KCNIP3: variants seen among roughly 807,000 people sequenced by gnomAD.
The protein encoded by KCNIP3 is calsenilin.
In KCNIP3, 28 loss-of-function variants were observed where a neutral mutation model predicts 35.0. The ratio of observed to expected loss-of-function variants is 0.80; its 90% CI spans 0.59 to 1.10. The LOEUF (loss-of-function observed/expected upper bound fraction) is 1.10. Among genes scored for constraint, KCNIP3 ranks in the 50% least tolerant of loss-of-function variants. The pLI is 0.00. For missense variants in KCNIP3, 295 were observed against 338.4 expected (o/e 0.87, Z 1.01); for synonymous variants, 134 against 133.8 (o/e 1.00, Z -0.01).
intron 2 of KCNIP3, among the ~76,000 whole-genome samples, chr2:95,372,209 A>G (rs1680056988): frequency 7.2e-6 from 1 of 139,572 alleles, no homozygotes; most frequent in South Asian, 2.4e-4. Context: ...GATTCTTACC[A>G]TCCATCCATC....
chr2:95,344,183 C>T (rs1441512090), intron 2 of KCNIP3, among the ~76,000 whole-genome samples: 2 of 152,194 alleles, frequency 1.3e-5, no homozygotes, highest in Admixed American at 1.3e-4. Flanking sequence ...CAGCATACTG[C>T]CACATGGAGG....
chr2:95,351,419 C>A (rs1285008788), intron 2 of KCNIP3, among the ~76,000 whole-genome samples: 1 of 152,220 alleles, frequency 6.6e-6, no homozygotes, highest in African/African-American at 2.4e-5. Context: ...TCGCCAGTTC[C>A]AGATGCATTT....
intron 2 of KCNIP3, among the ~76,000 whole-genome samples, chr2:95,328,146 C>A (rs2104240790): frequency 6.6e-6 from 1 of 152,346 alleles, no homozygotes; most frequent in South Asian, 2.1e-4. Flanking sequence ...CACACGCAAG[C>A]CTGCACCACC....
intron 1 of KCNIP3, among the ~76,000 whole-genome samples, chr2:95,306,204 T>C (rs1678161711): frequency 6.6e-6 from 1 of 152,212 alleles, no homozygotes. Context: ...CATGGTGGTG[T>C]CTCACAGCGG....
intron 2 of KCNIP3, chr2:95,347,136 A>T (rs375072994): frequency 1.2e-6 from 2 of 1,601,564 alleles, no homozygotes; most frequent in Admixed American, 1.7e-5. Context: ...ACGCGTGGCC[A>T]CTTGCCCCTT....
intron 2 of KCNIP3, among the ~76,000 whole-genome samples, chr2:95,336,271 C>T (rs1416653784): frequency 6.6e-6 from 1 of 152,220 alleles, no homozygotes; most frequent in Non-Finnish European, 1.5e-5. Context: ...GGCAACAGCC[C>T]TCAATAAGAC....
intron 2 of KCNIP3, among the ~76,000 whole-genome samples, chr2:95,334,909 C>T (rs1214617896): frequency 6.6e-6 from 1 of 152,126 alleles, no homozygotes; most frequent in African/African-American, 2.4e-5. Context: ...AGATTCGTTC[C>T]CCTGACCAAG....
At chr2:95,381,761 TC>T in intron 6 of KCNIP3, 58 bp downstream of exon 6, 2 of 1,103,308 alleles carry the variant, frequency 1.8e-6, no homozygotes, top group East Asian at 2.5e-5. Context: ...GCTCCACCCC[TC>T]CCGCCGCTCT....
intron 5 of KCNIP3, among the ~76,000 whole-genome samples, chr2:95,379,462 C>G (rs941077155): frequency 0.079 from 3 of 38 alleles, no homozygotes; most frequent in South Asian, 0.5. Flanking sequence ...TCGCTGGGGC[C>G]TGGTGCCTCT....
At chr2:95,329,801 C>G (rs1678882571) in intron 2 of KCNIP3, among the ~76,000 whole-genome samples, 1 of 152,256 alleles carries the variant, frequency 6.6e-6, no homozygotes, top group South Asian at 2.1e-4. Context: ...GCCTTCGATC[C>G]TGGGTGCTGC....
chr2:95,358,891 G>A (rs1009717143), intron 2 of KCNIP3, among the ~76,000 whole-genome samples: 2 of 152,172 alleles, frequency 1.3e-5, no homozygotes, highest in African/African-American at 4.8e-5. Context: ...CTAGCTACGT[G>A]GAAGGCTGAG....
At position 95,337,716 on chromosome 2, in the gene KCNIP3, C is replaced by T. The variant is rs193270827; in HGVS notation, c.181+27196C>T. On this transcript the variant is annotated intron_variant, in intron 2 of 8. Transcript: ENST00000295225. ...TGAGGCTAAGTTACTTGCCCAAGGT[C>T]TGTTGGCTTTATTACTTCCCCCTGA... Among the ~76,000 whole-genome samples the T allele has an allele frequency of 1.1e-3, 160 of 152,362 alleles. 2 individuals carry two copies. Among genetic ancestry groups the T allele is most frequent in the Non-Finnish European group, 7.3e-5 (5 of 68,038 alleles).
In KCNIP3 at chr2:95,382,387, C is replaced by A; in HGVS notation, c.566C>A (p.Ala189Asp). 6.3e-7 allele frequency: 1 copy of A among 1,589,322 alleles called. No individual in the cohort carries two copies. Among genetic ancestry groups the A allele is most frequent in the Non-Finnish European group, 8.6e-7 (1 of 1,168,280 alleles). Residue 189 changes from alanine (A) to aspartate (D), a missense_variant, in exon 7 of 9, where the codon GCC becomes GAC. Physicochemically the swap from Ala to Asp is moderately radical, Grantham distance 126. Transcript: ENST00000295225. This position sits in a 1 kb window ranked among gnomAD's most constrained non-coding sequence, Gnocchi z 4.5. ...AGCCTCCCCCTCCAGGAGATGCTGG[C>A]CATCATGAAGTCCATCTATGACATG... ...DGYITKEEML[A>D]IMKSIYDMMG...
chr2:95,341,787 AG>A (rs1679200839), intron 2 of KCNIP3, among the ~76,000 whole-genome samples: 1 of 152,214 alleles, frequency 6.6e-6, no homozygotes, highest in African/African-American at 2.4e-5. Flanking sequence ...AATTGGGAAA[AG>A]GTGTCATGTG....
intron 2 of KCNIP3, among the ~76,000 whole-genome samples, chr2:95,360,038 T>C (rs1342949808): frequency 1.3e-5 from 2 of 152,250 alleles, no homozygotes; most frequent in African/African-American, 2.4e-5. Context: ...AAGTCATTTC[T>C]TTCTTCTTTC....
At chr2:95,328,217 C>T (rs1328527336) in intron 2 of KCNIP3, among the ~76,000 whole-genome samples, 1 of 152,190 alleles carries the variant, frequency 6.6e-6, no homozygotes, top group Non-Finnish European at 1.5e-5. Context: ...GGCACACTCT[C>T]CCCCCTCCCC....
intron 2 of KCNIP3, among the ~76,000 whole-genome samples, chr2:95,332,422 T>G (rs1293567845): frequency 1.3e-5 from 2 of 152,278 alleles, no homozygotes; most frequent in African/African-American, 4.8e-5. Flanking sequence ...AAGACCAGCC[T>G]GGCCAACATG....
chr2:95,327,701 C>T (rs994960496), intron 2 of KCNIP3, among the ~76,000 whole-genome samples: 5 of 152,162 alleles, frequency 3.3e-5, no homozygotes, highest in African/African-American at 1.2e-4. Context: ...TCACCATCGC[C>T]CCCATCTTCC....
chr2:95,308,507 C>G (rs1678233415), intron 1 of KCNIP3, among the ~76,000 whole-genome samples: 1 of 152,200 alleles, frequency 6.6e-6, no homozygotes, highest in Non-Finnish European at 1.5e-5. Context: ...GGATAGGCCT[C>G]AGGGGACCAT....
Sources: gnomAD v4.1 joint callset for allele counts (sites outside exome capture counted in the v4.1 genomes callset) on GRCh38, gnomAD v4.1.1 for gene constraint, Gnocchi (gnomAD v3.1) non-coding constraint, MANE v1.5 for transcripts, NCBI Gene and HGNC (gene_info 2026-07-23, HGNC 2026-07-21) for gene names.